Variants in RYR3 observed in about 807,000 individuals in gnomAD.
RYR3 encodes the protein brain ryanodine receptor-calcium release channel.
A neutral mutation model predicts 584.3 loss-of-function variants in RYR3; 207 were observed. The ratio of observed to expected loss-of-function variants is 0.35; its 90% CI spans 0.32 to 0.40. The LOEUF (loss-of-function observed/expected upper bound fraction) is 0.40. Ranked by LOEUF, RYR3 falls within the 10% of genes least tolerant of loss-of-function variation. The pLI, the probability that RYR3 is intolerant of heterozygous loss-of-function variation, is 1.00. For missense variants in RYR3, 5,616 were observed against 6,089.2 expected (o/e 0.92, Z 2.59); for synonymous variants, 2,416 against 2,248.5 (o/e 1.07, Z -2.11).
intron 43 of RYR3, among the ~76,000 whole-genome samples, chr15:33,711,398 C>T (rs969888507): frequency 2.0e-5 from 3 of 152,050 alleles, no homozygotes; most frequent in South Asian, 2.1e-4. Flanking sequence ...CACCCACCAC[C>T]ATGCCTGGCT....
At chr15:33,464,593 C>T (rs572141891) in intron 1 of RYR3, among the ~76,000 whole-genome samples, 1 of 147,368 alleles carries the variant, frequency 6.8e-6, no homozygotes, top group African/African-American at 2.5e-5. Flanking sequence ...GTATATAATG[C>T]ATTTCCTATA....
chr15:33,742,221 G>A (rs956614950), intron 51 of RYR3, 145 bp from the exon 52 acceptor site: 29 of 649,308 alleles, frequency 4.5e-5, no homozygotes, highest in South Asian at 3.3e-4. Context: ...ATGTCACTGC[G>A]CCTGGAGTCC....
intron 1 of RYR3, among the ~76,000 whole-genome samples, chr15:33,374,364 ATG>A (rs138831585): frequency 0.14 from 20,208 of 144,638 alleles, 1,469 homozygotes; most frequent in East Asian, 0.34. Context: ...GTACGAGTGT[ATG>A]TGTGTGTGTG....
intron 60 of RYR3, among the ~76,000 whole-genome samples, chr15:33,767,352 C>T (rs920621713): frequency 5.3e-5 from 8 of 152,114 alleles, no homozygotes; most frequent in Non-Finnish European, 8.8e-5. Flanking sequence ...AAAGAGCAGC[C>T]GATATTTAAT....
At chr15:33,565,779 C>T (rs928085795) in intron 11 of RYR3, among the ~76,000 whole-genome samples, 1 of 152,160 alleles carries the variant, frequency 6.6e-6, no homozygotes, top group African/African-American at 2.4e-5. Context: ...CATACTTGAT[C>T]ATTTTAAGGG....
chr15:33,358,429 T>C (rs1463933159), intron 1 of RYR3, among the ~76,000 whole-genome samples: 1 of 152,216 alleles, frequency 6.6e-6, no homozygotes, highest in Non-Finnish European at 1.5e-5. Context: ...TATATCTGTC[T>C]GGCCCATAAA....
chr15:33,788,413 T>A lies in RYR3; in HGVS notation c.9785T>A (p.Leu3262His). The change falls in exon 67 of 104, where the codon CTC (leucine) becomes CAC (histidine). Residue 3262 changes from leucine (L) to histidine (H), a missense_variant. Physicochemically the swap from Leu to His is moderately conservative, Grantham distance 99. Coordinates refer to ENST00000634891, the MANE Select transcript of RYR3 (RefSeq NM_001036.6). ...LDEFAVLCRD[L>H]YAFYPMLIRY... ...GAGTTCGCGGTCCTCTGCAGAGATC[T>A]CTATGCCTTCTACCCCATGCTGATC... 6.2e-7 allele frequency: 1 copy of A among 1,613,956 alleles called. No individual in the cohort carries two copies. Among genetic ancestry groups the A allele is most frequent in the Non-Finnish European group, 8.5e-7 (1 of 1,179,850 alleles).
chr15:33,810,374 C>A, intron 70 of RYR3, 105 bp from the exon 71 acceptor site: 2 of 1,125,130 alleles, frequency 1.8e-6, no homozygotes, highest in Non-Finnish European at 1.3e-6. Context: ...TAAGGCCCAC[C>A]CTATACTGAC....
At chr15:33,446,003 G>T (rs2046626532) in intron 1 of RYR3, among the ~76,000 whole-genome samples, 2 of 152,122 alleles carry the variant, frequency 1.3e-5, no homozygotes, top group East Asian at 1.9e-4. Flanking sequence ...TCTCAGGAGT[G>T]GCTTAAGTGT....
intron 43 of RYR3, 155 bp from the exon 44 acceptor site, chr15:33,722,560 C>G (rs888263983): frequency 2.9e-6 from 2 of 684,598 alleles, no homozygotes; most frequent in South Asian, 3.6e-5. Context: ...TGTCTTAGTT[C>G]CTTCTCCACT....
chr15:33,769,659 A>C (rs28449999), intron 62 of RYR3, among the ~76,000 whole-genome samples: 11,477 of 152,340 alleles, frequency 0.075, 481 homozygotes, highest in African/African-American at 0.11. Flanking sequence ...ATGAGACTGA[A>C]AAGAGAGACG....
chr15:33,584,033 C>A (rs1174055936), intron 14 of RYR3, among the ~76,000 whole-genome samples: 1 of 151,762 alleles, frequency 6.6e-6, no homozygotes, highest in Admixed American at 6.6e-5. Flanking sequence ...GCCTGGGCAA[C>A]AAGAGTGAAA....
At chr15:33,754,384 A>T (rs1467799082) in intron 57 of RYR3, among the ~76,000 whole-genome samples, 2 of 152,208 alleles carry the variant, frequency 1.3e-5, no homozygotes, top group Admixed American at 6.5e-5. Context: ...AGGGACGTAC[A>T]TGATTGTCCC....
At position 33,677,647 on chromosome 15, in the gene RYR3, C is replaced by T. The variant is rs907295350; in HGVS notation, c.5860+7091C>T. Among the ~76,000 whole-genome samples, 7 of 152,172 alleles carry T rather than the reference C, an allele frequency of 4.6e-5. 1 individual carries two copies. In the South Asian group the frequency reaches 1.5e-3, roughly 32 times the overall value. On this transcript the variant is annotated intron_variant, in intron 38 of 103. Coordinates refer to ENST00000634891, the MANE Select transcript of RYR3 (RefSeq NM_001036.6). ...ACAGTCTTACTGGCTTGCAGGGCTGCCTCTGTCAGATATGGGTATCTGTAT... is the reference window on the plus strand; with the variant it reads ...ACAGTCTTACTGGCTTGCAGGGCTGTCTCTGTCAGATATGGGTATCTGTAT...
At chr15:33,807,474 A>T (rs1046892258) in intron 69 of RYR3, 81 bp from the exon 70 acceptor site, 14 of 1,348,492 alleles carry the variant, frequency 1.0e-5, no homozygotes, top group Admixed American at 2.0e-5. Context: ...TATAACTAAC[A>T]TATGGTGCCT....
chr15:33,441,834 T>G (rs912913935), intron 1 of RYR3, among the ~76,000 whole-genome samples: 2 of 152,222 alleles, frequency 1.3e-5, no homozygotes, highest in Non-Finnish European at 2.9e-5. Flanking sequence ...CTGTATTGGA[T>G]TTCATGAGAG....
chr15:33,386,560 G>A (rs539063824), intron 1 of RYR3, among the ~76,000 whole-genome samples: 18 of 152,196 alleles, frequency 1.2e-4, no homozygotes, highest in East Asian at 3.9e-4. Flanking sequence ...AAAAATCATC[G>A]TAACCATTTT....
intron 80 of RYR3, among the ~76,000 whole-genome samples, chr15:33,822,017 C>CCATT (rs58113782): frequency 2.2e-3 from 335 of 151,534 alleles, no homozygotes; most frequent in African/African-American, 7.5e-3. Flanking sequence ...GTTCGTTCAT[C>CCATT]CATTCATTCA....
chr15:33,714,400 C>T (rs931234893), intron 43 of RYR3, among the ~76,000 whole-genome samples: 2 of 152,108 alleles, frequency 1.3e-5, no homozygotes, highest in Non-Finnish European at 2.9e-5. Flanking sequence ...TGTTTTAAGG[C>T]ATATAATTTG....
Sources: gnomAD v4.1 joint callset for allele counts (sites outside exome capture counted in the v4.1 genomes callset) on GRCh38, gnomAD v4.1.1 for gene constraint, MANE v1.5 for transcripts, NCBI Gene and HGNC (gene_info 2026-07-23, HGNC 2026-07-21) for gene names.